The following SMARCC1 variants were observed in gnomAD, a reference collection of about 807,000 sequenced individuals.
SMARCC1 encodes SWI/SNF related BAF chromatin remodeling complex subunit C1.
SMARCC1 carries 43 observed loss-of-function variants against 147.4 expected under a neutral mutation model. The ratio of observed to expected loss-of-function variants is 0.29; its 90% CI spans 0.23 to 0.38. The LOEUF is 0.38. Ranked by LOEUF, SMARCC1 falls within the 10% of genes least tolerant of loss-of-function variation. SMARCC1 has a pLI of 1.00. For synonymous variants in SMARCC1, 495 were observed against 484.4 expected (o/e 1.02, Z -0.29); for missense variants, 1,119 against 1,381.1 (o/e 0.81, Z 3.01).
chr3:47,699,158 A>G (rs2033888309), intron 11 of SMARCC1, among the ~76,000 whole-genome samples: 1 of 152,184 alleles, frequency 6.6e-6, no homozygotes. Context: ...AGAAAAGTTA[A>G]GAGCACCTGT....
chr3:47,610,262 A>G lies in SMARCC1; in HGVS notation c.2847T>C (p.Tyr949=), dbSNP rs1376604079. The G allele has an allele frequency of 2.5e-6, 4 of 1,614,224 alleles. No individual in the cohort carries two copies. The highest frequency in any genetic ancestry group is 2.2e-5 in the South Asian group (2 of 91,086). ...TTTGCTGTCGTGCTCGTAATTCAGC[A>G]TACTTCAGCTGTTCCATGTGGAAGT... ...RQNFHMEQLK[Y]AELRARQQME... The change falls in exon 26 of 28, where the codon TAT becomes TAC. Residue 949 remains tyrosine (Y), a synonymous_variant. Transcript: ENST00000254480.
At chr3:47,757,514 T>C (rs1006586223) in intron 2 of SMARCC1, among the ~76,000 whole-genome samples, 1 of 152,036 alleles carries the variant, frequency 6.6e-6, no homozygotes, top group East Asian at 1.9e-4. Context: ...TGGTGGCTCA[T>C]GCCTGTAATC....
intron 24 of SMARCC1, among the ~76,000 whole-genome samples, chr3:47,628,276 A>T (rs547430165): frequency 6.6e-6 from 1 of 152,116 alleles, no homozygotes; most frequent in Non-Finnish European, 1.5e-5. Flanking sequence ...TGCTTAGTTC[A>T]TATCACTGTG....
intron 24 of SMARCC1, among the ~76,000 whole-genome samples, chr3:47,630,156 C>T (rs964574663): frequency 3.5e-5 from 1 of 28,820 alleles, no homozygotes; most frequent in Non-Finnish European, 6.6e-5. Flanking sequence ...ATTTTTTCCA[C>T]GGGGCCTGGG....
chr3:47,723,094 T>C (rs2034252056), intron 6 of SMARCC1, among the ~76,000 whole-genome samples: 2 of 152,268 alleles, frequency 1.3e-5, no homozygotes, highest in East Asian at 3.9e-4. Flanking sequence ...GTTACAGCTA[T>C]ATACTCAGAT....
intron 2 of SMARCC1, among the ~76,000 whole-genome samples, chr3:47,749,069 G>A (rs1484513857): frequency 6.7e-6 from 1 of 148,816 alleles, no homozygotes; most frequent in East Asian, 2.0e-4. Flanking sequence ...TTGGGAGGCC[G>A]AGTTGGGTTG....
At chr3:47,597,482 A>C (rs1312377808) in intron 26 of SMARCC1, among the ~76,000 whole-genome samples, 1 of 151,946 alleles carries the variant, frequency 6.6e-6, no homozygotes, top group African/African-American at 2.4e-5. Flanking sequence ...ACCCGCCACC[A>C]CGCCCGGCTA....
intron 5 of SMARCC1, among the ~76,000 whole-genome samples, chr3:47,733,281 C>T (rs573154365): frequency 7.2e-5 from 11 of 151,912 alleles, no homozygotes; most frequent in South Asian, 2.1e-4. Context: ...AGGGCGGCTG[C>T]GGGGTGGTGC....
intron 2 of SMARCC1, among the ~76,000 whole-genome samples, chr3:47,749,670 A>AACACACACACACACAC (rs1328820771): frequency 0.026 from 2,443 of 92,232 alleles, 96 homozygotes; most frequent in African/African-American, 0.041. Context: ...CTCTAAATTA[A>AACACACACACACACAC]ACACACACAC....
At chr3:47,657,509 G>A (rs1452397057) in intron 21 of SMARCC1, among the ~76,000 whole-genome samples, 1 of 152,124 alleles carries the variant, frequency 6.6e-6, no homozygotes, top group Non-Finnish European at 1.5e-5. Context: ...AAATTACAAA[G>A]TACAGGGGCT....
At chr3:47,593,609 T>C (rs2032222377) in intron 26 of SMARCC1, among the ~76,000 whole-genome samples, 1 of 152,220 alleles carries the variant, frequency 6.6e-6, no homozygotes, top group Admixed American at 6.5e-5. Context: ...TAGAAGACAG[T>C]ACTGAGACAG....
chr3:47,661,412 A>C lies in SMARCC1; in HGVS notation c.2202T>G (p.Val734=). Residue 734 remains valine (V), a synonymous_variant, in exon 21 of 28, where the codon GTT becomes GTG. Transcript: ENST00000254480. ...CTTGTACTTTCTTGACATGAGCTTC[A>C]ACCAATTCCAGTGGTACCTCCTCCC... is the stretch of plus-strand genomic sequence containing the variant. The part of the protein sequence containing the change: ...RVREEVPLEL[V]EAHVKKVQEA... 6.2e-7 allele frequency: 1 copy of C among 1,613,200 alleles called. No individual in the cohort carries two copies. Among genetic ancestry groups the C allele is most frequent in the Non-Finnish European group, 8.5e-7 (1 of 1,179,746 alleles).
intron 25 of SMARCC1, among the ~76,000 whole-genome samples, chr3:47,617,658 G>A (rs1180888739): frequency 1.3e-5 from 2 of 152,210 alleles, no homozygotes; most frequent in African/African-American, 2.4e-5. Context: ...GGGAAGGATA[G>A]GATGCTAGTG....
At chr3:47,740,198 T>G (rs2034493264) in intron 3 of SMARCC1, among the ~76,000 whole-genome samples, 1 of 132,642 alleles carries the variant, frequency 7.5e-6, no homozygotes, top group Non-Finnish European at 1.6e-5. Context: ...TTTTTTTTTT[T>G]TTTTTTTTTT....
intron 2 of SMARCC1, among the ~76,000 whole-genome samples, chr3:47,765,644 G>A (rs999563511): frequency 3.3e-5 from 5 of 152,016 alleles, no homozygotes; most frequent in Non-Finnish European, 5.9e-5. Context: ...TGTTCCCAAA[G>A]ATAGTCTCTC....
chr3:47,682,585 G>T (rs1325925126), intron 14 of SMARCC1, among the ~76,000 whole-genome samples: 1 of 152,096 alleles, frequency 6.6e-6, no homozygotes, highest in Non-Finnish European at 1.5e-5. Context: ...GAAAAAGAAT[G>T]CCGGTTTCTC....
intron 10 of SMARCC1, among the ~76,000 whole-genome samples, chr3:47,704,695 T>C (rs2047559): frequency 0.6 from 90,346 of 151,836 alleles, 28,137 homozygotes; most frequent in East Asian, 0.72. Flanking sequence ...GGTGGAAGAA[T>C]TGCTTGAGAC....
rs1238708817 is a variant in SMARCC1, at chr3:47,693,320, AG to A, written c.1166-21del. The A allele has an allele frequency of 2.1e-6, 3 of 1,418,332 alleles. No homozygotes were observed. In the Admixed American group the frequency reaches 5.1e-5, roughly 24 times the overall value. 87.9% of individuals were successfully genotyped at this position (1,418,332 alleles called of 1,614,324 possible). A position where few individuals can be genotyped will look rare whatever the true frequency, so the allele number is the denominator to read the frequency against. ...GGTTCACTAGAAAAAGAAAAAAAAGAGTTATGTTTATGTGGGAAAAGTTGTA... is the reference window on the plus strand; with the variant it reads ...GGTTCACTAGAAAAAGAAAAAAAAGATTATGTTTATGTGGGAAAAGTTGTA... On this transcript the variant is annotated intron_variant, in intron 11 of 27. Transcript: ENST00000254480.
chr3:47,674,787 T>C (rs1321703171), intron 18 of SMARCC1, among the ~76,000 whole-genome samples: 3 of 152,176 alleles, frequency 2.0e-5, no homozygotes, highest in Non-Finnish European at 4.4e-5. Flanking sequence ...TTTTTATTTG[T>C]TCTGAAGTCT....
Sources: allele counts gnomAD v4.1 joint callset (sites outside exome capture counted in the v4.1 genomes callset), GRCh38; gene constraint gnomAD v4.1.1; transcripts MANE v1.5; gene names NCBI Gene and HGNC (gene_info 2026-07-23, HGNC 2026-07-21).